The following WDFY4 variants were observed in gnomAD, a reference collection of about 807,000 sequenced individuals.
The protein encoded by WDFY4 is WDFY family member 4, also known as WD repeat- and FYVE domain-containing protein 4.
Under a neutral mutation model 351.9 loss-of-function variants are expected in WDFY4, and 169 were observed. The observed-to-expected ratio is 0.48, with a 90% CI of 0.42 to 0.55. WDFY4 has a LOEUF of 0.55. WDFY4 is among the 20% of genes least tolerant of loss of function. WDFY4 has a pLI of 0.00. For synonymous variants in WDFY4, 1,622 were observed against 1,574.6 expected (o/e 1.03, Z -0.71); for missense variants, 3,803 against 3,935.6 (o/e 0.97, Z 0.90).
chr10:48,778,621 A>G lies in WDFY4; in HGVS notation c.3186A>G (p.Arg1062=). ...VSGGIGTGAT[R]PFPPPGGLTF... Reference sequence around the variant, plus strand: ...TGTGTTCCCACCCAGGTGCCACCAGACCGTTCCCTCCTCCTGGAGGTCTGA... The same window carrying G: ...TGTGTTCCCACCCAGGTGCCACCAGGCCGTTCCCTCCTCCTGGAGGTCTGA... The change falls in exon 18 of 62, where the codon AGA becomes AGG. Residue 1062 remains arginine, a synonymous_variant. Transcript: ENST00000325239. The G allele has an allele frequency of 6.4e-7, 1 of 1,550,998 alleles. No individual in the cohort carries two copies. Among genetic ancestry groups the G allele is most frequent in the Non-Finnish European group, 8.7e-7 (1 of 1,147,004 alleles).
chr10:48,953,267 C>T (rs1228912030), intron 51 of WDFY4, among the ~76,000 whole-genome samples: 3 of 151,894 alleles, frequency 2.0e-5, no homozygotes, highest in African/African-American at 4.8e-5. Flanking sequence ...CATTTGGCAC[C>T]TCTTTCTATG....
intron 1 of WDFY4, among the ~76,000 whole-genome samples, chr10:48,689,484 T>C (rs1216410756): frequency 6.6e-6 from 1 of 152,230 alleles, no homozygotes; most frequent in Non-Finnish European, 1.5e-5. Flanking sequence ...AAAATATTGA[T>C]TACATAGTGA....
At chr10:48,950,534 A>C (rs1841273117) in intron 51 of WDFY4, among the ~76,000 whole-genome samples, 1 of 152,194 alleles carries the variant, frequency 6.6e-6, no homozygotes, top group Non-Finnish European at 1.5e-5. Flanking sequence ...GGCTGCTGTG[A>C]TTAATCTCAG....
intron 19 of WDFY4, among the ~76,000 whole-genome samples, chr10:48,781,460 T>G (rs956655828): frequency 2.6e-5 from 4 of 152,022 alleles, no homozygotes; most frequent in Admixed American, 2.6e-4. Flanking sequence ...CCATGCCCAC[T>G]AATTTTTGTA....
chr10:48,728,468 T>C (rs1171883485), intron 7 of WDFY4, among the ~76,000 whole-genome samples: 1 of 152,204 alleles, frequency 6.6e-6, no homozygotes, highest in African/African-American at 2.4e-5. Flanking sequence ...ATACTTTCCC[T>C]TGGGCTTTGC....
At chr10:48,775,690 T>C in intron 14 of WDFY4, 22 bp from the exon 15 acceptor site, 2 of 1,545,714 alleles carry the variant, frequency 1.3e-6, no homozygotes, top group Non-Finnish European at 1.8e-6. Context: ...CTTCATTTTT[T>C]CCTCTTGTAT....
chr10:48,754,965 T>G (rs2065290973), intron 12 of WDFY4, among the ~76,000 whole-genome samples: 1 of 152,144 alleles, frequency 6.6e-6, no homozygotes, highest in Admixed American at 6.5e-5. Flanking sequence ...AAAAGTCTCT[T>G]TTTTTGGCCT....
chr10:48,742,973 G>A lies in WDFY4; in HGVS notation c.1884G>A (p.Leu628=). ...LQLKLDLLKS[L]LRILVTPKGR... ...TGATTTGCTTGGTGTTTCAGTCTCT[G>A]CTCCGGATCCTGGTGACCCCCAAGG... is the stretch of plus-strand genomic sequence containing the variant. The change falls in exon 12 of 62, where the codon CTG becomes CTA. Residue 628 remains leucine (L), a synonymous_variant. Coordinates refer to ENST00000325239, the MANE Select transcript of WDFY4 (RefSeq NM_001394531.1). 3 of 1,544,616 alleles carry A rather than the reference G, an allele frequency of 1.9e-6. No homozygotes were observed. The highest frequency in any genetic ancestry group is 2.6e-6 in the Non-Finnish European group (3 of 1,144,102).
intron 12 of WDFY4, among the ~76,000 whole-genome samples, chr10:48,751,187 G>A (rs1247715080): frequency 6.6e-6 from 1 of 152,194 alleles, no homozygotes; most frequent in Non-Finnish European, 1.5e-5. Flanking sequence ...GCAGAGAAGT[G>A]CACCTAATGA....
chr10:48,908,911 C>G (rs34430399), intron 47 of WDFY4, among the ~76,000 whole-genome samples: 21,284 of 152,196 alleles, frequency 0.14, 1,682 homozygotes, highest in Middle Eastern at 0.22. Flanking sequence ...GTTATGCCTA[C>G]CTCCCTGTCT....
intron 28 of WDFY4, among the ~76,000 whole-genome samples, chr10:48,809,900 T>G (rs978797812): frequency 2.6e-5 from 4 of 152,216 alleles, no homozygotes; most frequent in Non-Finnish European, 2.9e-5. Flanking sequence ...CCTTCACTTG[T>G]TCCCAAAAGT....
At chr10:48,759,444 G>A (rs1021517603) in intron 12 of WDFY4, among the ~76,000 whole-genome samples, 1 of 152,150 alleles carries the variant, frequency 6.6e-6, no homozygotes, top group Non-Finnish European at 1.5e-5. Flanking sequence ...GGGAGAAAAG[G>A]AGAAAAGAGC....
At position 48,823,780 on chromosome 10, in the gene WDFY4, G is replaced by A. The variant is rs538477723; in HGVS notation, c.5982+1243G>A. 2.9e-5 allele frequency: 29 copies of A among 989,312 alleles called. No individual in the cohort carries two copies. The African/African-American group carries it at 4.5e-4, about 15-fold the overall frequency. 61.3% of individuals were successfully genotyped at this position (989,312 alleles called of 1,614,324 possible). A position where few individuals can be genotyped will look rare whatever the true frequency, so the allele number is the denominator to read the frequency against. ...CAGGGGGACCAGGCCTGAGGGCTCG[G>A]CTCCCCACATATCCACCAGCCTCCT... On this transcript the variant is annotated intron_variant, in intron 35 of 61. Transcript: ENST00000325239.
intron 48 of WDFY4, 100 bp downstream of exon 48, chr10:48,941,948 G>T: frequency 8.8e-7 from 1 of 1,130,152 alleles, no homozygotes; most frequent in Non-Finnish European, 1.3e-6. Flanking sequence ...AACCAAGAAG[G>T]GATCTTATTA....
intron 54 of WDFY4, among the ~76,000 whole-genome samples, chr10:48,964,665 G>A (rs781327085): frequency 5.3e-5 from 8 of 152,230 alleles, no homozygotes; most frequent in African/African-American, 1.2e-4. Flanking sequence ...GTGAAATTGT[G>A]AAGTCTCACC....
chr10:48,831,406 C>T (rs2068184322), intron 38 of WDFY4, among the ~76,000 whole-genome samples: 1 of 152,210 alleles, frequency 6.6e-6, no homozygotes, highest in Non-Finnish European at 1.5e-5. Flanking sequence ...GTCAATGCAA[C>T]TGCAAGAATG....
chr10:48,866,989 G>A (rs2069567735), intron 39 of WDFY4, among the ~76,000 whole-genome samples: 1 of 151,862 alleles, frequency 6.6e-6, no homozygotes, highest in African/African-American at 2.4e-5. Context: ...TGGCCAATGT[G>A]GTGAAACCTG....
chr10:48,715,034 C>T (rs2063863307), intron 2 of WDFY4, among the ~76,000 whole-genome samples: 1 of 152,188 alleles, frequency 6.6e-6, no homozygotes, highest in African/African-American at 2.4e-5. Context: ...ATACTCACTC[C>T]TAGAGTCTAG....
At chr10:48,862,865 A>G (rs2069392603) in intron 39 of WDFY4, among the ~76,000 whole-genome samples, 1 of 152,112 alleles carries the variant, frequency 6.6e-6, no homozygotes, top group South Asian at 2.1e-4. Flanking sequence ...TCTAGCTATC[A>G]CTCTTCTATC....
Sources: allele counts gnomAD v4.1 joint callset (sites outside exome capture counted in the v4.1 genomes callset), GRCh38; gene constraint gnomAD v4.1.1; transcripts MANE v1.5; gene names NCBI Gene and HGNC (gene_info 2026-07-23, HGNC 2026-07-21).